The following MYZAP variants were observed in gnomAD, a reference collection of about 807,000 sequenced individuals.
MYZAP encodes myocardial zonula adherens protein.
Under a neutral mutation model 69.4 loss-of-function variants are expected in MYZAP, and 66 were observed. The ratio of observed to expected loss-of-function variants is 0.95; its 90% CI spans 0.78 to 1.17. The LOEUF (loss-of-function observed/expected upper bound fraction) is 1.17. Among genes scored for constraint, MYZAP ranks in the 50% most tolerant of loss-of-function variants. The pLI, the probability that MYZAP is intolerant of heterozygous loss-of-function variation, is 0.00. For missense variants in MYZAP, 611 were observed against 556.2 expected, an observed-to-expected ratio of 1.10 and a Z score of -0.99; for synonymous variants, 256 against 205.9, an observed-to-expected ratio of 1.24 and a Z score of -2.09.
At chr15:57,609,221 T>C (rs752532681) in intron 2 of MYZAP, among the ~76,000 whole-genome samples, 3 of 152,220 alleles carry the variant, frequency 2.0e-5, no homozygotes, top group African/African-American at 7.2e-5. Flanking sequence ...TGAATGCTTA[T>C]TGATTATGAT....
In MYZAP at chr15:57,604,257, C is replaced by T. The variant is rs2034596351; in HGVS notation, c.76-12C>T. On this transcript the variant is annotated splice_polypyrimidine_tract_variant and intron_variant, in intron 1 of 12. Transcript: ENST00000267853. ...TGACTCCTAACTGGCCTCTCCTTTC[C>T]CTCTCTTCTAGGCAAATGTTTGCAG... 6.2e-7 allele frequency: 1 copy of T among 1,613,832 alleles called. No homozygotes were observed. Among genetic ancestry groups the T allele is most frequent in the African/African-American group, 1.3e-5 (1 of 75,036 alleles).
chr15:57,619,434 C>T lies in MYZAP; in HGVS notation c.318+1246C>T, dbSNP rs539141623. Among the ~76,000 whole-genome samples the T allele has an allele frequency of 5.3e-5, 8 of 152,274 alleles. No individual in the cohort carries two copies. The East Asian group carries it at 1.2e-3, about 22-fold the overall frequency. On this transcript the variant is annotated intron_variant, in intron 3 of 12. Coordinates refer to ENST00000267853, the MANE Select transcript of MYZAP (RefSeq NM_001018100.5). ...GTGGCACAATCACAGCTCACTGTGG[C>T]GACACAATCACAGCTTATTGCAGCT...
At chr15:57,628,809 G>A (rs914725072) in intron 5 of MYZAP, among the ~76,000 whole-genome samples, 5 of 152,172 alleles carry the variant, frequency 3.3e-5, no homozygotes, top group African/African-American at 1.2e-4. Flanking sequence ...GGGAGGCCGG[G>A]CGTGGTGGCT....
intron 9 of MYZAP, among the ~76,000 whole-genome samples, chr15:57,638,730 G>A (rs2036960813): frequency 3.3e-5 from 5 of 152,232 alleles, no homozygotes; most frequent in Admixed American, 3.3e-4. Context: ...TGGATGTAGA[G>A]AAGGTCTTTC....
At chr15:57,606,695 T>C (rs2635379) in intron 2 of MYZAP, among the ~76,000 whole-genome samples, 10,649 of 151,578 alleles carry the variant, frequency 0.07, 1,025 homozygotes, top group African/African-American at 0.22. Flanking sequence ...AACCTGCACA[T>C]TGTGCACATG....
intron 10 of MYZAP, among the ~76,000 whole-genome samples, chr15:57,661,073 A>G (rs1011157456): frequency 2.0e-5 from 3 of 152,172 alleles, no homozygotes; most frequent in Admixed American, 2.0e-4. Flanking sequence ...GGAGAGTTGT[A>G]TCTACATTTC....
chr15:57,604,471 G>A, intron 2 of MYZAP, 116 bp downstream of exon 2: 1 of 1,086,034 alleles, frequency 9.2e-7, no homozygotes, highest in South Asian at 1.6e-5. Flanking sequence ...CTCTGTTGAG[G>A]AGAAGGCCCT....
chr15:57,639,616 T>C (rs973274397), intron 10 of MYZAP, 71 bp downstream of exon 10: 8 of 1,531,234 alleles, frequency 5.2e-6, no homozygotes, highest in Non-Finnish European at 7.1e-6. Flanking sequence ...AGAACAAGTC[T>C]GCCTTGCCCC....
chr15:57,594,302 G>C (rs2140306084), intron 1 of MYZAP, among the ~76,000 whole-genome samples: 1 of 152,318 alleles, frequency 6.6e-6, no homozygotes, highest in Non-Finnish European at 1.5e-5. Flanking sequence ...TTTTAGTGGA[G>C]ACAGGGTTTT....
intron 2 of MYZAP, among the ~76,000 whole-genome samples, chr15:57,607,029 C>G (rs2034795618): frequency 6.6e-6 from 1 of 152,184 alleles, no homozygotes; most frequent in Non-Finnish European, 1.5e-5. Context: ...CCTCACTGCT[C>G]CTCTCCCTGC....
chr15:57,674,004 C>T (rs1024705134), intron 11 of MYZAP, among the ~76,000 whole-genome samples: 22 of 152,264 alleles, frequency 1.4e-4, no homozygotes, highest in Admixed American at 6.5e-4. Context: ...GAGCATACAA[C>T]CAGGAAGATA....
intron 10 of MYZAP, among the ~76,000 whole-genome samples, chr15:57,659,538 A>G (rs2038174225): frequency 6.6e-6 from 1 of 152,210 alleles, no homozygotes; most frequent in African/African-American, 2.4e-5. Flanking sequence ...TGATACCACA[A>G]TATACATCAA....
At chr15:57,656,806 A>G (rs1210001259) in intron 10 of MYZAP, among the ~76,000 whole-genome samples, 1 of 152,232 alleles carries the variant, frequency 6.6e-6, no homozygotes, top group Admixed American at 6.5e-5. Context: ...TTCCAGGATA[A>G]AAGCAAATCT....
At chr15:57,620,636 A>G (rs184912089) in intron 3 of MYZAP, among the ~76,000 whole-genome samples, 1 of 152,314 alleles carries the variant, frequency 6.6e-6, no homozygotes, top group African/African-American at 2.4e-5. Context: ...TGTTATATTT[A>G]CTGCCTTGCG....
At chr15:57,679,182 A>G (rs1480498134) in intron 12 of MYZAP, among the ~76,000 whole-genome samples, 2 of 152,348 alleles carry the variant, frequency 1.3e-5, no homozygotes, top group East Asian at 1.9e-4. Flanking sequence ...GTCTCAAAAA[A>G]AAATGCATTT....
At chr15:57,634,609 A>C (rs2554043) in intron 8 of MYZAP, among the ~76,000 whole-genome samples, 91,122 of 152,036 alleles carry the variant, frequency 0.6, 28,080 homozygotes, top group African/African-American at 0.74. Flanking sequence ...CGCCTTAGCT[A>C]ATGGTGTTTG....
At chr15:57,628,026 A>T (rs2554038) in intron 5 of MYZAP, among the ~76,000 whole-genome samples, 3,904 of 152,248 alleles carry the variant, frequency 0.026, 166 homozygotes, top group African/African-American at 0.088. Context: ...ATATTGTCCA[A>T]AGTAGAGGCT....
chr15:57,629,088 CAA>C (rs1274144448), intron 5 of MYZAP, among the ~76,000 whole-genome samples: 28,561 of 115,938 alleles, frequency 0.25, 2,145 homozygotes, highest in African/African-American at 0.27. Flanking sequence ...GTCTCAAAAA[CAA>C]AAAAAAAAAA....
chr15:57,660,488 G>A (rs1417777281), intron 10 of MYZAP, among the ~76,000 whole-genome samples: 2 of 151,712 alleles, frequency 1.3e-5, no homozygotes, highest in Non-Finnish European at 2.9e-5. Context: ...CTAATTTTTT[G>A]ATTTTTTGTA....
Sources: gnomAD v4.1 joint callset for allele counts (sites outside exome capture counted in the v4.1 genomes callset) on GRCh38, gnomAD v4.1.1 for gene constraint, MANE v1.5 for transcripts, NCBI Gene and HGNC (gene_info 2026-07-23, HGNC 2026-07-21) for gene names.